The following TPST2 variants were observed in gnomAD, a reference collection of about 807,000 sequenced individuals.
TPST2 encodes the protein protein-tyrosine sulfotransferase 2.
TPST2 carries 16 observed loss-of-function variants against 27.8 expected under a neutral mutation model. The ratio of observed to expected loss-of-function variants is 0.58; its 90% CI spans 0.39 to 0.88. The LOEUF is 0.88. TPST2 is among the 40% of genes least tolerant of loss of function. The pLI is 0.00. For synonymous variants in TPST2, 229 were observed against 231.7 expected, an observed-to-expected ratio of 0.99 and a Z score of 0.10; for missense variants, 464 against 543.1, an observed-to-expected ratio of 0.85 and a Z score of 1.45.
intron 1 of TPST2, among the ~76,000 whole-genome samples, chr22:26,578,037 T>C (rs1927928675): frequency 6.6e-6 from 1 of 152,148 alleles, no homozygotes; most frequent in Non-Finnish European, 1.5e-5. Context: ...TGTTCATGAG[T>C]AAACATCAAA....
chr22:26,560,729 G>A (rs1927043095), intron 1 of TPST2: 1 of 1,103,396 alleles, frequency 9.1e-7, no homozygotes. Context: ...AGGCGGACAA[G>A]GCCCATTACG....
intron 2 of TPST2, among the ~76,000 whole-genome samples, chr22:26,542,837 G>A (rs1279757029): frequency 6.6e-6 from 1 of 152,228 alleles, no homozygotes; most frequent in Non-Finnish European, 1.5e-5. Flanking sequence ...TGGGAAGACA[G>A]CATGCCTCTT....
intron 2 of TPST2, chr22:26,543,070 A>G (rs1925949956): frequency 6.6e-6 from 1 of 152,232 alleles, no homozygotes; most frequent in Non-Finnish European, 1.5e-5. Flanking sequence ...TCTTAGCCAC[A>G]GTCTCTTCAG....
intron 1 of TPST2, among the ~76,000 whole-genome samples, chr22:26,587,973 G>T (rs907079308): frequency 6.6e-6 from 1 of 151,752 alleles, no homozygotes; most frequent in Admixed American, 6.6e-5. Flanking sequence ...ATATTTAAAG[G>T]TGAAACCTAA....
At position 26,528,907 on chromosome 22, in the gene TPST2, G is replaced by A. The variant is rs553172459; in HGVS notation, c.1093-645C>T. ...TGAGGCAGGAGAATCGCTTGAACCC[G>A]GGAGGCAGAGGTTGCAGTGAGCCAA... On this transcript the variant is annotated intron_variant, in intron 5 of 6. Transcript: ENST00000338754. Among the ~76,000 whole-genome samples, 533 of 151,998 alleles carry A rather than the reference G, an allele frequency of 3.5e-3. 3 individuals carry two copies. Among genetic ancestry groups the A allele is most frequent in the Non-Finnish European group, 3.4e-3 (233 of 67,960 alleles).
Position 26,541,726 on chromosome 22 carries a change from G to A in TPST2, c.-88-8C>T. The A allele has an allele frequency of 6.9e-7, 1 of 1,456,150 alleles. No homozygotes were observed. Among genetic ancestry groups the A allele is most frequent in the East Asian group, 2.5e-5 (1 of 40,002 alleles). 90.2% of individuals were successfully genotyped at this position (1,456,150 alleles called of 1,614,324 possible). On this transcript the variant is annotated splice_region_variant and splice_polypyrimidine_tract_variant and intron_variant, in intron 2 of 6. Coordinates refer to ENST00000338754, the MANE Select transcript of TPST2 (RefSeq NM_003595.5). The surrounding 1 kb of genome is among the most constrained non-coding windows in gnomAD (Gnocchi z 5.9). ...AGCCCGCCAGGCTCACATCTGGGGA[G>A]AGAGGGGGACATGCATAGTCAGGGA...
chr22:26,577,799 C>A (rs1037157321), intron 1 of TPST2, among the ~76,000 whole-genome samples: 1 of 151,778 alleles, frequency 6.6e-6, no homozygotes, highest in Non-Finnish European at 1.5e-5. Context: ...GCTGGGATTA[C>A]AGGCTTGAGC....
chr22:26,543,867 A>C (rs1269557788), intron 2 of TPST2, among the ~76,000 whole-genome samples: 1 of 152,204 alleles, frequency 6.6e-6, no homozygotes, highest in Non-Finnish European at 1.5e-5. Flanking sequence ...GGACACAGAA[A>C]GCAGCCTGGA....
intron 1 of TPST2, among the ~76,000 whole-genome samples, chr22:26,549,160 A>G (rs1386306653): frequency 6.6e-6 from 1 of 152,228 alleles, no homozygotes; most frequent in Non-Finnish European, 1.5e-5. Flanking sequence ...GCCCAGAGCA[A>G]GTGCTACCTG....
At chr22:26,578,085 C>A (rs1467235773) in intron 1 of TPST2, among the ~76,000 whole-genome samples, 1 of 152,114 alleles carries the variant, frequency 6.6e-6, no homozygotes, top group Non-Finnish European at 1.5e-5. Context: ...AAAGGAATTT[C>A]AATTAAAATC....
At chr22:26,579,988 T>G (rs1928032732) in intron 1 of TPST2, among the ~76,000 whole-genome samples, 2 of 152,090 alleles carry the variant, frequency 1.3e-5, no homozygotes, top group Non-Finnish European at 2.9e-5. Flanking sequence ...CTTACGTCTG[T>G]AATCCCAGTA....
chr22:26,529,947 C>T (rs1170519672), intron 5 of TPST2, among the ~76,000 whole-genome samples: 1 of 152,118 alleles, frequency 6.6e-6, no homozygotes, highest in Non-Finnish European at 1.5e-5. Flanking sequence ...GGAGAGGTCC[C>T]ACTCCCTTTG....
At chr22:26,529,390 A>C (rs977796211) in intron 5 of TPST2, among the ~76,000 whole-genome samples, 2 of 152,152 alleles carry the variant, frequency 1.3e-5, no homozygotes, top group African/African-American at 4.8e-5. Context: ...TCAGCCTCCC[A>C]AAGTGCTAGG....
In TPST2 at chr22:26,539,764, GTCTC is replaced by G. The variant is rs200470107; in HGVS notation, c.842+1021_842+1024del. On this transcript the variant is annotated intron_variant, in intron 3 of 6. Coordinates refer to ENST00000338754, the MANE Select transcript of TPST2 (RefSeq NM_003595.5). ...AGCCTGGGCAACAGAGTGAAACCCTGTCTCAAAAAAACAAAAACAAAAACAAGAA... is the reference window on the plus strand; with the variant it reads ...AGCCTGGGCAACAGAGTGAAACCCTGAAAAAAACAAAAACAAAAACAAGAA... Among the ~76,000 whole-genome samples, 1,399 of 152,132 alleles carry G rather than the reference GTCTC, an allele frequency of 9.2e-3. 22 individuals are homozygous for G. The highest frequency in any genetic ancestry group is 0.032 in the African/African-American group (1,324 of 41,482).
intron 1 of TPST2, among the ~76,000 whole-genome samples, chr22:26,554,746 T>A (rs1433463769): frequency 6.6e-6 from 1 of 152,216 alleles, no homozygotes; most frequent in Non-Finnish European, 1.5e-5. Context: ...AAGACCAGCA[T>A]GGCCAACATG....
chr22:26,547,422 T>C (rs972716013), intron 1 of TPST2: 1 of 152,078 alleles, frequency 6.6e-6, no homozygotes, highest in Non-Finnish European at 1.5e-5. Flanking sequence ...GTAGGAGGAA[T>C]ATATTAAATA....
intron 4 of TPST2, among the ~76,000 whole-genome samples, chr22:26,534,231 T>C (rs1925328120): frequency 6.6e-6 from 1 of 152,058 alleles, no homozygotes; most frequent in Non-Finnish European, 1.5e-5. Flanking sequence ...AGCCCCAGGA[T>C]CCATTATTGG....
At chr22:26,544,244 C>T in intron 2 of TPST2, among the ~76,000 whole-genome samples, 1 of 152,154 alleles carries the variant, frequency 6.6e-6, no homozygotes. Context: ...GAAAGCATAC[C>T]TAAAACACTA....
chr22:26,546,702 T>C (rs1467077022), intron 1 of TPST2, among the ~76,000 whole-genome samples: 1 of 152,196 alleles, frequency 6.6e-6, no homozygotes, highest in Admixed American at 6.5e-5. Context: ...AGCTTCTCAT[T>C]TGCACTAGCC....
Sources: allele counts gnomAD v4.1 joint callset (sites outside exome capture counted in the v4.1 genomes callset), GRCh38; gene constraint gnomAD v4.1.1; non-coding constraint Gnocchi (gnomAD v3.1); transcripts MANE v1.5; gene names NCBI Gene and HGNC (gene_info 2026-07-23, HGNC 2026-07-21).